TBXAS1: variants seen among roughly 807,000 people sequenced by gnomAD.
The protein encoded by TBXAS1 is thromboxane A synthase 1, also known as thromboxane-A synthase.
A neutral mutation model predicts 60.7 loss-of-function variants in TBXAS1; 48 were observed. That is an observed-to-expected ratio of 0.79 (90% confidence interval 0.63 to 1.01). TBXAS1 has a LOEUF of 1.01. TBXAS1 is among the 50% of genes least tolerant of loss of function. The pLI is 0.00. For synonymous variants in TBXAS1, 287 were observed against 269.7 expected (o/e 1.06, Z -0.63); for missense variants, 685 against 686.3 (o/e 1.00, Z 0.02).
At chr7:139,820,205 T>C (rs1315866245) in intron 4 of TBXAS1, among the ~76,000 whole-genome samples, 1 of 152,072 alleles carries the variant, frequency 6.6e-6, no homozygotes, top group African/African-American at 2.4e-5. Flanking sequence ...CTCTCCACTT[T>C]TGCAAGGAGA....
intron 5 of TBXAS1, among the ~76,000 whole-genome samples, chr7:139,937,736 C>G (rs1416725089): frequency 6.6e-6 from 1 of 152,184 alleles, no homozygotes; most frequent in Non-Finnish European, 1.5e-5. Context: ...TGCTCCAAGT[C>G]TCATAGCTAG....
Position 140,000,616 on chromosome 7 carries a change from G to C in TBXAS1, c.1135-6475G>C, listed in dbSNP as rs147340894. ...TGCCCATTGAAAATCAACTACATAT[G>C]AAAAAGTCTCCCCCAAAATGAAGAA... On this transcript the variant is annotated intron_variant, in intron 9 of 12. Transcript: ENST00000448866. Among the ~76,000 whole-genome samples, 240 of 152,264 alleles carry C rather than the reference G, an allele frequency of 1.6e-3. 1 individual carries two copies. Among genetic ancestry groups the C allele is most frequent in the African/African-American group, 5.4e-3 (225 of 41,548 alleles).
At chr7:139,842,252 G>C (rs564751021) in intron 1 of TBXAS1, among the ~76,000 whole-genome samples, 5 of 152,180 alleles carry the variant, frequency 3.3e-5, no homozygotes, top group Non-Finnish European at 7.3e-5. Context: ...TGGGGGCAGA[G>C]ATGAAAGAAG....
At chr7:140,017,937 C>T in intron 12 of TBXAS1, 104 bp downstream of exon 12, 2 of 1,522,208 alleles carry the variant, frequency 1.3e-6, no homozygotes, top group Non-Finnish European at 9.0e-7. Context: ...TCAGGCTCTG[C>T]CTCCGTGAGC....
intron 9 of TBXAS1, among the ~76,000 whole-genome samples, chr7:139,984,825 G>C (rs1750727357): frequency 9.0e-6 from 1 of 111,432 alleles, no homozygotes; most frequent in African/African-American, 3.6e-5. Context: ...AAAAGAAGAA[G>C]AAAGAAAGAG....
At chr7:139,956,939 C>T (rs1339457350) in intron 7 of TBXAS1, among the ~76,000 whole-genome samples, 1 of 152,256 alleles carries the variant, frequency 6.6e-6, no homozygotes, top group Non-Finnish European at 1.5e-5. Context: ...ATGTTCTCCC[C>T]AGCCCAGCTC....
Position 139,962,552 on chromosome 7 carries a change from G to C in TBXAS1, c.1134+319G>C, listed in dbSNP as rs993595036. 8.3e-6 allele frequency: 3 copies of C among 359,836 alleles called. No individual in the cohort carries two copies. In the East Asian group the frequency reaches 2.2e-4, roughly 26 times the overall value. 22.3% of individuals were successfully genotyped at this position (359,836 alleles called of 1,614,324 possible). On this transcript the variant is annotated intron_variant, in intron 9 of 12. Coordinates refer to ENST00000448866, the MANE Select transcript of TBXAS1 (RefSeq NM_001061.7). Reference sequence around the variant, plus strand: ...CCCAAAGGGCAGGGATGGGGAAGGAGTCATGGCTTCCCAATATCTGACTTG... The same window carrying C: ...CCCAAAGGGCAGGGATGGGGAAGGACTCATGGCTTCCCAATATCTGACTTG...
intron 3 of TBXAS1, among the ~76,000 whole-genome samples, chr7:139,882,371 T>C (rs905927417): frequency 3.9e-5 from 6 of 152,284 alleles, no homozygotes; most frequent in South Asian, 2.1e-4. Context: ...TACTTAGACT[T>C]AAATTGGGCA....
intron 4 of TBXAS1, among the ~76,000 whole-genome samples, chr7:139,803,542 G>A (rs1045840948): frequency 1.3e-5 from 2 of 152,278 alleles, no homozygotes; most frequent in East Asian, 1.9e-4. Context: ...GGAGCCCAAT[G>A]TTAGTCACCA....
intron 4 of TBXAS1, among the ~76,000 whole-genome samples, chr7:139,815,017 C>T (rs185915483): frequency 1.8e-3 from 267 of 152,316 alleles, no homozygotes; most frequent in African/African-American, 6.0e-3. Flanking sequence ...ATGCTGGCTC[C>T]TCCAACCCCA....
intron 3 of TBXAS1, among the ~76,000 whole-genome samples, chr7:139,885,915 A>T (rs1049169777): frequency 1.3e-5 from 2 of 152,230 alleles, no homozygotes; most frequent in South Asian, 4.1e-4. Flanking sequence ...ACCACCGCAT[A>T]CACGTTTGAA....
chr7:139,905,026 T>C (rs1225501917), intron 3 of TBXAS1, among the ~76,000 whole-genome samples: 4 of 81,890 alleles, frequency 4.9e-5, no homozygotes, highest in African/African-American at 2.7e-4. Context: ...TTTCTTTCTT[T>C]CTTTCTTTCT....
intron 12 of TBXAS1, 36 bp from the exon 13 acceptor site, chr7:140,019,985 ACTAT>A: frequency 6.3e-7 from 1 of 1,583,150 alleles, no homozygotes; most frequent in East Asian, 2.2e-5. Context: ...GTGAGATGCT[ACTAT>A]CTCTTTGACA....
chr7:139,962,231 C>A lies in TBXAS1; in HGVS notation c.1132C>A (p.His378Asn), dbSNP rs771618602. 1 of 1,614,100 alleles carries A rather than the reference C, an allele frequency of 6.2e-7. No individual in the cohort carries two copies. Among genetic ancestry groups the A allele is most frequent in the Admixed American group, 1.7e-5 (1 of 60,022 alleles). ...LREVDVFKEK[H>N]MAPEFCSLEE... ...AGAGGTAGACGTTTTTAAGGAGAAA[C>A]ACGTGAGTACAAGTTGGATCCAGTT... Residue 378 changes from histidine to asparagine, a missense_variant and splice_region_variant, in exon 9 of 13, where the codon CAC becomes AAC. By Grantham distance (68) the His-to-Asn change is moderately conservative (BLOSUM62 1). Transcript: ENST00000448866.
At chr7:139,952,514 G>A in intron 5 of TBXAS1, 2 of 1,534,354 alleles carry the variant, frequency 1.3e-6, no homozygotes, top group Non-Finnish European at 1.7e-6. Flanking sequence ...ATTCTAGAAT[G>A]GGCAGCGAAT....
intron 3 of TBXAS1, among the ~76,000 whole-genome samples, chr7:139,886,274 T>C (rs1803090103): frequency 6.6e-6 from 1 of 152,162 alleles, no homozygotes; most frequent in African/African-American, 2.4e-5. Context: ...ATGAAGTTTT[T>C]CCACCCTGAG....
chr7:139,800,601 A>G (rs1414305585), intron 4 of TBXAS1, among the ~76,000 whole-genome samples: 1 of 152,132 alleles, frequency 6.6e-6, no homozygotes, highest in African/African-American at 2.4e-5. Context: ...TGCCTCCCCC[A>G]GACCTGAAGC....
chr7:139,977,030 C>T (rs1811613474), intron 9 of TBXAS1, among the ~76,000 whole-genome samples: 2 of 152,122 alleles, frequency 1.3e-5, no homozygotes, highest in East Asian at 3.8e-4. Context: ...AACCCAAATC[C>T]CTGGCAAGCC....
At chr7:139,802,229 C>T (rs1355746934) in intron 4 of TBXAS1, among the ~76,000 whole-genome samples, 1 of 152,116 alleles carries the variant, frequency 6.6e-6, no homozygotes, top group East Asian at 1.9e-4. Flanking sequence ...TCTACAGTAA[C>T]ATTTTTTCTT....
Sources: allele counts gnomAD v4.1 joint callset (sites outside exome capture counted in the v4.1 genomes callset), GRCh38; gene constraint gnomAD v4.1.1; transcripts MANE v1.5; gene names NCBI Gene and HGNC (gene_info 2026-07-23, HGNC 2026-07-21).